The following ZDHHC11B variants were observed in gnomAD, a reference collection of about 807,000 sequenced individuals.
ZDHHC11B encodes the protein probable palmitoyltransferase ZDHHC11B.
In ZDHHC11B, 17 loss-of-function variants were observed where a neutral mutation model predicts 42.3. The observed-to-expected ratio is 0.40, with a 90% CI of 0.27 to 0.60. The LOEUF (loss-of-function observed/expected upper bound fraction) is 0.60. Among genes scored for constraint, ZDHHC11B ranks in the 20% least tolerant of loss-of-function variants. ZDHHC11B has a pLI of 0.41. For missense variants in ZDHHC11B, 262 were observed against 463.2 expected (o/e 0.57, Z 3.99); for synonymous variants, 123 against 193.5 (o/e 0.64, Z 3.02).
At chr5:761,085 G>A (rs1257613502) in intron 4 of ZDHHC11B, among the ~76,000 whole-genome samples, 10 of 151,928 alleles carry the variant, frequency 6.6e-5, no homozygotes, top group Admixed American at 6.6e-5. Flanking sequence ...CCAGAACCTC[G>A]GCCGGATTCT....
At position 751,496 on chromosome 5, in the gene ZDHHC11B, GGGGTGCA is replaced by G. The variant is rs1745724887; in HGVS notation, c.504-246_504-240del. ...GGGCGGGGGCATGCAGGGCAGGTGG[GGGGTGCA>G]GAGGCAGGGGCAGGGACACGCAGGG... is the stretch of plus-strand genomic sequence containing the variant. On this transcript the variant is annotated intron_variant, in intron 6 of 13. Transcript: ENST00000508859. Among the ~76,000 whole-genome samples, 9 of 35,790 alleles carry G rather than the reference GGGGTGCA, an allele frequency of 2.5e-4. No homozygotes were observed. In the South Asian group the frequency reaches 0.016, roughly 65 times the overall value. The allele number at this position is 35,790 out of a possible 152,430, so 23.5% of individuals were successfully genotyped here.
intron 1 of ZDHHC11B, among the ~76,000 whole-genome samples, chr5:775,195 G>T (rs1276743585): frequency 6.6e-6 from 1 of 151,954 alleles, no homozygotes; most frequent in Non-Finnish European, 1.5e-5. Context: ...TGCTGGGCTG[G>T]ACCAGGCCAG....
intron 1 of ZDHHC11B, among the ~76,000 whole-genome samples, chr5:778,745 A>G (rs1736745787): frequency 6.6e-6 from 1 of 151,916 alleles, no homozygotes; most frequent in Admixed American, 6.6e-5. Flanking sequence ...TGAGCCCTAA[A>G]TCCAATGGTG....
intron 12 of ZDHHC11B, among the ~76,000 whole-genome samples, chr5:717,778 G>A (rs1358360861): frequency 6.6e-6 from 1 of 151,830 alleles, no homozygotes; most frequent in Non-Finnish European, 1.5e-5. Flanking sequence ...ACCTGGAAGA[G>A]ACCCCCAGGA....
chr5:779,147 C>T, intron 1 of ZDHHC11B, among the ~76,000 whole-genome samples: 1 of 151,504 alleles, frequency 6.6e-6, no homozygotes, highest in Non-Finnish European at 1.5e-5. Context: ...CGCCCTGAGG[C>T]TGGGGCTGCA....
intron 12 of ZDHHC11B, among the ~76,000 whole-genome samples, chr5:718,160 G>C (rs939889232): frequency 4.6e-5 from 7 of 151,856 alleles, no homozygotes; most frequent in African/African-American, 1.7e-4. Flanking sequence ...GAGACATACA[G>C]GTTGGTGGGG....
At chr5:763,957 G>T (rs1734954130) in intron 4 of ZDHHC11B, among the ~76,000 whole-genome samples, 1 of 151,880 alleles carries the variant, frequency 6.6e-6, no homozygotes, top group Non-Finnish European at 1.5e-5. Flanking sequence ...GCACCTGCGG[G>T]TCCGCTTGAC....
chr5:751,574 GAGGCA>G (rs1263049284), intron 6 of ZDHHC11B, among the ~76,000 whole-genome samples: 5 of 88,132 alleles, frequency 5.7e-5, no homozygotes, highest in Non-Finnish European at 9.5e-5. Flanking sequence ...GGGGGGTGCA[GAGGCA>G]GGGATGGGGA....
At chr5:783,524 C>T (rs1737011623) in intron 1 of ZDHHC11B, among the ~76,000 whole-genome samples, 1 of 152,260 alleles carries the variant, frequency 6.6e-6, no homozygotes, top group Admixed American at 6.5e-5. Context: ...AGTCCTCTAT[C>T]GGTCCCCCAG....
chr5:727,953 C>T lies in ZDHHC11B; in HGVS notation c.1058+2481G>A, dbSNP rs191211413. 4.0e-5 allele frequency among the ~76,000 whole-genome samples: 6 copies of T among 151,610 alleles called. No individual in the cohort carries two copies. The East Asian group carries it at 9.6e-4, about 24-fold the overall frequency. ...ACTTCACAAAAATTTATGAACTTCA[C>T]GTTGCAAAAGACACGATAAACACAA... is the stretch of plus-strand genomic sequence containing the variant. On this transcript the variant is annotated intron_variant, in intron 12 of 13. Coordinates refer to ENST00000508859, the MANE Select transcript of ZDHHC11B (RefSeq NM_001351303.2).
chr5:753,859 A>G (rs1164774829), intron 6 of ZDHHC11B, among the ~76,000 whole-genome samples: 1 of 146,486 alleles, frequency 6.8e-6, no homozygotes, highest in Admixed American at 7.1e-5. Context: ...GTTGGTCCCC[A>G]CTCCCACGCA....
intron 1 of ZDHHC11B, among the ~76,000 whole-genome samples, chr5:775,968 T>TG (rs1169437183): frequency 7.0e-6 from 1 of 143,030 alleles, no homozygotes; most frequent in Non-Finnish European, 1.5e-5. Flanking sequence ...CAGGAACCCC[T>TG]GGGGGTCCCT....
intron 13 of ZDHHC11B, among the ~76,000 whole-genome samples, chr5:714,909 G>A (rs1324625706): frequency 1.3e-5 from 2 of 151,400 alleles, no homozygotes; most frequent in African/African-American, 2.4e-5. Flanking sequence ...AGTACTTCTT[G>A]CTCTAACCAA....
At chr5:746,582 A>G (rs1210666513) in intron 8 of ZDHHC11B, among the ~76,000 whole-genome samples, 2 of 146,066 alleles carry the variant, frequency 1.4e-5, no homozygotes, top group African/African-American at 4.9e-5. Context: ...AGACCAGGTC[A>G]TCCCTCCCAG....
At chr5:741,729 A>C (rs1744182862) in intron 9 of ZDHHC11B, 101 bp from the exon 10 acceptor site, 1 of 1,392,944 alleles carries the variant, frequency 7.2e-7, no homozygotes, top group African/African-American at 1.4e-5. Flanking sequence ...GTTTTGAGGA[A>C]TGGTACCTGG....
At chr5:736,462 C>G (rs564718766) in intron 10 of ZDHHC11B, among the ~76,000 whole-genome samples, 1 of 149,578 alleles carries the variant, frequency 6.7e-6, no homozygotes, top group African/African-American at 2.5e-5. Flanking sequence ...TATCCTAGAA[C>G]AAAAGGACTT....
rs1270543402 is a variant in ZDHHC11B at position 729,530 on chromosome 5, G to C, written c.1058+904C>G. 1.7e-4 allele frequency among the ~76,000 whole-genome samples: 22 copies of C among 129,570 alleles called. 1 individual carries two copies. Among genetic ancestry groups the C allele is most frequent in the Non-Finnish European group, 3.5e-4 (20 of 56,850 alleles). The allele number at this position is 129,570 out of a possible 152,430, so 85.0% of individuals were successfully genotyped here. On this transcript the variant is annotated intron_variant, in intron 12 of 13. Transcript: ENST00000508859. The stretch of plus-strand genomic sequence containing the variant: ...CAGGAAGGAGGCTGTGTCAGTGTGA[G>C]AGAGTGTGACTGTGTGCGAGTGTGT...
intron 12 of ZDHHC11B, among the ~76,000 whole-genome samples, chr5:725,166 C>A (rs1203311583): frequency 2.0e-5 from 3 of 149,934 alleles, no homozygotes; most frequent in Non-Finnish European, 1.5e-5. Flanking sequence ...AGATCTCACT[C>A]TCAACTCCCT....
chr5:771,505 G>A (rs1412159851), intron 1 of ZDHHC11B, among the ~76,000 whole-genome samples: 1 of 149,856 alleles, frequency 6.7e-6, no homozygotes, highest in Non-Finnish European at 1.5e-5. Flanking sequence ...GTGGGGGCAG[G>A]ATCCTGGGGG....
Sources: gnomAD v4.1 joint callset for allele counts (sites outside exome capture counted in the v4.1 genomes callset) on GRCh38, gnomAD v4.1.1 for gene constraint, MANE v1.5 for transcripts, NCBI Gene and HGNC (gene_info 2026-07-23, HGNC 2026-07-21) for gene names.